GRIN2D: variants seen among roughly 807,000 people sequenced by gnomAD.
GRIN2D encodes glutamate receptor ionotropic, NMDA 2D.
In GRIN2D, 37 loss-of-function variants were observed where a neutral mutation model predicts 103.2. The observed-to-expected ratio is 0.36, with a 90% CI of 0.28 to 0.47. The LOEUF (loss-of-function observed/expected upper bound fraction) is 0.47, where lower values mean the gene tolerates loss of function less well. Ranked by LOEUF, GRIN2D falls within the 20% of genes least tolerant of loss-of-function variation. The pLI is 1.00. For missense variants in GRIN2D, 1,557 were observed against 1,910.6 expected, an observed-to-expected ratio of 0.81 and a Z score of 3.45; for synonymous variants, 845 against 885.6, an observed-to-expected ratio of 0.95 and a Z score of 0.81.
intron 4 of GRIN2D, among the ~76,000 whole-genome samples, chr19:48,409,285 T>A (rs966468766): frequency 2.0e-5 from 3 of 146,660 alleles, no homozygotes; most frequent in Non-Finnish European, 4.5e-5. Context: ...TTTTTTTTTT[T>A]TTTTTTTTTT....
At chr19:48,412,386 AGAAAG>A (rs199745705) in intron 4 of GRIN2D, among the ~76,000 whole-genome samples, 2,877 of 149,818 alleles carry the variant, frequency 0.019, 111 homozygotes, top group African/African-American at 0.068. Context: ...AAAGAAAAGA[AGAAAG>A]AGAAAGAAAA....
chr19:48,412,400 A>G (rs1970874246), intron 4 of GRIN2D, among the ~76,000 whole-genome samples: 1 of 148,758 alleles, frequency 6.7e-6, no homozygotes, highest in African/African-American at 2.5e-5. Context: ...AGAGAAAGAA[A>G]AGAAAGAAAG....
chr19:48,424,693 T>C (rs912172582), intron 11 of GRIN2D, among the ~76,000 whole-genome samples: 6 of 152,232 alleles, frequency 3.9e-5, no homozygotes, highest in African/African-American at 1.2e-4. Context: ...GTCTTTGATA[T>C]CTGTGGCATT....
intron 3 of GRIN2D, among the ~76,000 whole-genome samples, chr19:48,400,872 C>T (rs1306313035): frequency 1.3e-5 from 2 of 152,096 alleles, no homozygotes; most frequent in Non-Finnish European, 2.9e-5. Context: ...TTGAGGCCAG[C>T]CTGGCCAACA....
In GRIN2D at chr19:48,442,332, C is replaced by G; in HGVS notation, c.2623C>G (p.His875Asp). 5.0e-6 allele frequency: 8 copies of G among 1,613,744 alleles called. No homozygotes were observed. The highest frequency in any genetic ancestry group is 6.8e-6 in the Non-Finnish European group (8 of 1,179,980). ...WEHLVYWRLR[H>D]CLGPTHRMDF... ...GCACCTGGTGTACTGGCGCCTGCGG[C>G]ACTGCCTGGGGCCCACCCACCGCAT... The change falls in exon 13 of 14, where the codon CAC becomes GAC. Residue 875 changes from histidine to aspartate, a missense_variant. Transcript: ENST00000263269. The surrounding 1 kb of genome is among the most constrained non-coding windows in gnomAD (Gnocchi z 7.2).
intron 11 of GRIN2D, among the ~76,000 whole-genome samples, chr19:48,440,084 GCCT>G (rs1971273825): frequency 6.6e-6 from 1 of 152,158 alleles, no homozygotes; most frequent in Non-Finnish European, 1.5e-5. Flanking sequence ...GGTGGTGCAT[GCCT>G]ATAATCCCAG....
Position 48,421,758 on chromosome 19 carries a change from C to T in GRIN2D, c.2092-27C>T, listed in dbSNP as rs374748864. 3 of 1,604,844 alleles carry T rather than the reference C, an allele frequency of 1.9e-6. No individual in the cohort carries two copies. Among genetic ancestry groups the T allele is most frequent in the East Asian group, 2.2e-5 (1 of 44,818 alleles). On this transcript the variant is annotated intron_variant, in intron 10 of 13. Transcript: ENST00000263269. This position sits in a 1 kb window ranked among gnomAD's most constrained non-coding sequence, Gnocchi z 4.8. ...GTTAGGGATGTCCCTGCGGAGGGTG[C>T]CCTAATCACTCCCCATTCTGCCCCA...
rs1970777095 is a variant in GRIN2D at position 48,405,298 on chromosome 19, C to T, written c.1030C>T (p.Leu344Phe). ...GCGTGATTATGGTTTCCTTCCTGAG[C>T]TCGGCCACGACTGTCGCGCCCAGAA... Reference protein sequence around the residue: ...LLRDYGFLPELGHDCRAQNRT... With the variant: ...LLRDYGFLPEFGHDCRAQNRT... The change falls in exon 4 of 14, where the codon CTC (leucine) becomes TTC (phenylalanine). Residue 344 changes from leucine to phenylalanine, a missense_variant. By Grantham distance (22) the Leu-to-Phe change is conservative. This residue lies in a region of GRIN2D where 490 missense variants were observed against 601.1 expected (regional missense o/e 0.82). Transcript: ENST00000263269. This position sits in a 1 kb window ranked among gnomAD's most constrained non-coding sequence, Gnocchi z 5.1. 3 of 1,601,604 alleles carry T rather than the reference C, an allele frequency of 1.9e-6. No individual in the cohort carries two copies. The highest frequency in any genetic ancestry group is 2.5e-6 in the Non-Finnish European group (3 of 1,177,514).
chr19:48,443,606 G>A lies in GRIN2D; in HGVS notation c.3680G>A (p.Gly1227Glu). 2 of 1,121,722 alleles carry A rather than the reference G, an allele frequency of 1.8e-6. No homozygotes were observed. The highest frequency in any genetic ancestry group is 2.2e-6 in the Non-Finnish European group (2 of 919,872). 69.5% of individuals were successfully genotyped at this position (1,121,722 alleles called of 1,614,324 possible). A position where few individuals can be genotyped will look rare whatever the true frequency, so the allele number is the denominator to read the frequency against. The change falls in exon 14 of 14, where the codon GGG (glycine) becomes GAG (glutamate). Residue 1227 changes from glycine (G) to glutamate (E), a missense_variant. By Grantham distance (98) the Gly-to-Glu change is moderately conservative. Transcript: ENST00000263269. This position sits in a 1 kb window ranked among gnomAD's most constrained non-coding sequence, Gnocchi z 8.9. ...GPLPRRRARC[G>E]CPRSHPHRPR... Reference sequence around the variant, plus strand: ...CTGCCCCGACGCCGGGCCCGCTGCGGGTGCCCGCGGTCGCACCCGCACCGC... The same window carrying A: ...CTGCCCCGACGCCGGGCCCGCTGCGAGTGCCCGCGGTCGCACCCGCACCGC...
intron 11 of GRIN2D, among the ~76,000 whole-genome samples, chr19:48,428,182 A>G (rs1971110539): frequency 6.7e-6 from 1 of 149,974 alleles, no homozygotes; most frequent in Non-Finnish European, 1.5e-5. Context: ...TATTATAGGC[A>G]TCCGCCACCA....
In GRIN2D at chr19:48,442,506, G is replaced by A. The variant is rs1971309872; in HGVS notation, c.2674-94G>A. 5 of 1,495,200 alleles carry A rather than the reference G, an allele frequency of 3.3e-6. No individual in the cohort carries two copies. The highest frequency in any genetic ancestry group is 2.6e-5 in the South Asian group (2 of 77,948). 92.6% of individuals were successfully genotyped at this position (1,495,200 alleles called of 1,614,324 possible). ...AGTGGGGAAGAGAGCGGGAAACACAGGCGGGTAAATGGAGAGGAGAGAGGG... is the reference window on the plus strand; with the variant it reads ...AGTGGGGAAGAGAGCGGGAAACACAAGCGGGTAAATGGAGAGGAGAGAGGG... On this transcript the variant is annotated intron_variant, in intron 13 of 13. Transcript: ENST00000263269. The surrounding 1 kb of genome is among the most constrained non-coding windows in gnomAD (Gnocchi z 7.2).
chr19:48,429,715 A>ATGTGTGTGTG lies in GRIN2D; in HGVS notation c.2252+7786_2252+7795dup, dbSNP rs35154284. Among the ~76,000 whole-genome samples the ATGTGTGTGTG allele has an allele frequency of 8.4e-3, 1,231 of 146,988 alleles. 19 individuals are homozygous for ATGTGTGTGTG. Among genetic ancestry groups the ATGTGTGTGTG allele is most frequent in the African/African-American group, 0.028 (1,103 of 40,010 alleles). On this transcript the variant is annotated intron_variant, in intron 11 of 13. Transcript: ENST00000263269. ...GGCCCGGCCTAATTTTAATTTTTTAATGTGTGTGTGTGTGTGTGTGTGTGT... is the reference window on the plus strand; with the variant it reads ...GGCCCGGCCTAATTTTAATTTTTTAATGTGTGTGTGTGTGTGTGTGTGTGTGTGTGTGTGT...
At chr19:48,436,402 T>C (rs1019759475) in intron 11 of GRIN2D, among the ~76,000 whole-genome samples, 10 of 152,066 alleles carry the variant, frequency 6.6e-5, no homozygotes, top group African/African-American at 2.4e-4. Context: ...GTGTAGGGTC[T>C]GTAGAATATC....
intron 4 of GRIN2D, among the ~76,000 whole-genome samples, chr19:48,411,948 G>T (rs764069725): frequency 2.6e-5 from 4 of 151,762 alleles, no homozygotes; most frequent in Non-Finnish European, 5.9e-5. Context: ...ATCCCACTAT[G>T]TTGGGAGGTT....
At chr19:48,418,154 C>T (rs890726490) in intron 8 of GRIN2D, among the ~76,000 whole-genome samples, 11 of 151,944 alleles carry the variant, frequency 7.2e-5, no homozygotes, top group Admixed American at 7.2e-4. Context: ...CTGCCTCAGC[C>T]TACTGAGTAG....
chr19:48,398,653 G>A lies in GRIN2D; in HGVS notation c.261G>A (p.Val87=). Residue 87 remains valine, a synonymous_variant, in exon 3 of 14, where the codon GTG becomes GTA. Transcript: ENST00000263269. ...GCCCGGGCCTAGACGTGCGGCCCGT[G>A]GCGCTGGTGCTCAACGGCTCGGACC... The part of the protein sequence containing the change: ...VRSPGLDVRP[V]ALVLNGSDPR... 1 of 1,438,972 alleles carries A rather than the reference G, an allele frequency of 6.9e-7. No homozygotes were observed. Among genetic ancestry groups the A allele is most frequent in the Non-Finnish European group, 9.1e-7 (1 of 1,097,048 alleles). The allele number at this position is 1,438,972 out of a possible 1,614,324, so 89.1% of individuals were successfully genotyped here.
intron 2 of GRIN2D, among the ~76,000 whole-genome samples, chr19:48,396,158 T>A (rs1001059588): frequency 1.3e-5 from 2 of 148,582 alleles, no homozygotes; most frequent in African/African-American, 5.0e-5. Flanking sequence ...CGGAGGCTCA[T>A]GAGGAGGTAG....
rs1461281915 is a variant in GRIN2D at position 48,421,442 on chromosome 19, G to A, written c.2092-343G>A. ...AGACTCCGTTTAAAAAAAAAAAAGTGAACTATTTCTGAACGGATTGGTAAA... is the reference window on the plus strand; with the variant it reads ...AGACTCCGTTTAAAAAAAAAAAAGTAAACTATTTCTGAACGGATTGGTAAA... On this transcript the variant is annotated intron_variant, in intron 10 of 13. Transcript: ENST00000263269. This position sits in a 1 kb window ranked among gnomAD's most constrained non-coding sequence, Gnocchi z 4.8. Among the ~76,000 whole-genome samples, 2 of 149,110 alleles carry A rather than the reference G, an allele frequency of 1.3e-5. No homozygotes were observed. Among genetic ancestry groups the A allele is most frequent in the Admixed American group, 1.3e-4 (2 of 14,970 alleles).
At chr19:48,395,454 T>G (rs574108360) in intron 2 of GRIN2D, among the ~76,000 whole-genome samples, 2 of 152,008 alleles carry the variant, frequency 1.3e-5, no homozygotes, top group East Asian at 1.9e-4. Context: ...CCTTCCAGCC[T>G]CTTCCAAGCA....
Sources: gnomAD v4.1 joint callset for allele counts (sites outside exome capture counted in the v4.1 genomes callset) on GRCh38, gnomAD v4.1.1 for gene constraint, gnomAD v4.1.1 regional missense constraint, Gnocchi (gnomAD v3.1) non-coding constraint, MANE v1.5 for transcripts, NCBI Gene and HGNC (gene_info 2026-07-23, HGNC 2026-07-21) for gene names.